CYP4X1: variants seen among roughly 807,000 people sequenced by gnomAD.
CYP4X1 encodes the protein cytochrome P450 4X1.
In CYP4X1, 44 loss-of-function variants were observed where a neutral mutation model predicts 57.9. The ratio of observed to expected loss-of-function variants is 0.76; its 90% confidence interval spans 0.60 to 0.98. The LOEUF (loss-of-function observed/expected upper bound fraction) is 0.98. Among genes scored for constraint, CYP4X1 ranks in the 50% least tolerant of loss-of-function variants. CYP4X1 has a pLI of 0.00. For synonymous variants in CYP4X1, 227 were observed against 228.6 expected, an observed-to-expected ratio of 0.99 and a Z score of 0.06; for missense variants, 532 against 623.9, an observed-to-expected ratio of 0.85 and a Z score of 1.57.
the CYP4X1 span, among the ~76,000 whole-genome samples, chr1:46,972,214 G>A: frequency 5.2e-3 from 791 of 152,240 alleles, 12 homozygotes; most frequent in East Asian, 0.054. Flanking sequence ...CCCATTGCTT[G>A]TTTTGGTTGG....
At chr1:47,032,696 G>A (rs148684791) in intron 3 of CYP4X1, among the ~76,000 whole-genome samples, 3 of 152,250 alleles carry the variant, frequency 2.0e-5, no homozygotes, top group African/African-American at 7.2e-5. Flanking sequence ...GGAAATATCA[G>A]GGGACAGAGT....
chr1:47,027,783 CT>C (rs1644085654), intron 1 of CYP4X1, among the ~76,000 whole-genome samples: 1 of 152,126 alleles, frequency 6.6e-6, no homozygotes, highest in Non-Finnish European at 1.5e-5. Context: ...CAAATTATTC[CT>C]AAAAGAGGCT....
intron 8 of CYP4X1, 58 bp downstream of exon 8, chr1:47,039,590 T>G: frequency 6.9e-7 from 1 of 1,457,710 alleles, no homozygotes; most frequent in Non-Finnish European, 9.2e-7. Flanking sequence ...TTTGCTTTAT[T>G]TTTTGCGCTG....
the CYP4X1 span, among the ~76,000 whole-genome samples, chr1:46,993,896 T>C: frequency 2.0e-5 from 3 of 152,226 alleles, no homozygotes; most frequent in African/African-American, 4.8e-5. Context: ...TTCACTCTGA[T>C]GGTAGTTTCT....
the CYP4X1 span, among the ~76,000 whole-genome samples, chr1:46,997,063 G>C: frequency 6.6e-6 from 1 of 152,190 alleles, no homozygotes; most frequent in Admixed American, 6.5e-5. Flanking sequence ...TCTGGGGTTT[G>C]ATAAAGTTGA....
the CYP4X1 span, among the ~76,000 whole-genome samples, chr1:46,998,542 CTG>C: frequency 6.6e-6 from 1 of 152,082 alleles, no homozygotes; most frequent in African/African-American, 2.4e-5. Context: ...TCTGTTTACT[CTG>C]TTGATTTTTT....
the CYP4X1 span, among the ~76,000 whole-genome samples, chr1:46,998,050 T>C: frequency 2.0e-5 from 3 of 152,334 alleles, no homozygotes; most frequent in African/African-American, 7.2e-5. Context: ...TTTTTATTTT[T>C]GAAAGGAGGT....
chr1:46,970,306 T>C, the CYP4X1 span, among the ~76,000 whole-genome samples: 3 of 152,204 alleles, frequency 2.0e-5, no homozygotes, highest in African/African-American at 7.2e-5. Flanking sequence ...TGGCTGGCCA[T>C]TGGGAAACAG....
the CYP4X1 span, among the ~76,000 whole-genome samples, chr1:47,006,846 T>A: frequency 1.3e-5 from 2 of 152,080 alleles, no homozygotes; most frequent in East Asian, 3.9e-4. Context: ...AGCACAGCAG[T>A]CAGATCAAAC....
intron 1 of CYP4X1, among the ~76,000 whole-genome samples, chr1:47,025,849 G>A (rs1644057473): frequency 6.6e-6 from 1 of 152,080 alleles, no homozygotes; most frequent in South Asian, 2.1e-4. Flanking sequence ...TTTAAGCTTG[G>A]TATGCAGATA....
chr1:46,984,125 G>C, the CYP4X1 span, among the ~76,000 whole-genome samples: 11 of 151,906 alleles, frequency 7.2e-5, no homozygotes, highest in Non-Finnish European at 1.2e-4. Flanking sequence ...TGGTGGGGGA[G>C]GGCGGGGAGG....
chr1:47,004,065 T>C, the CYP4X1 span, among the ~76,000 whole-genome samples: 237 of 152,354 alleles, frequency 1.6e-3, 1 homozygote, highest in South Asian at 0.02. Context: ...TCCATTTACA[T>C]AGGGTGTACA....
chr1:47,029,886 T>C (rs1644107522), intron 1 of CYP4X1, 104 bp from the exon 2 acceptor site: 1 of 1,294,654 alleles, frequency 7.7e-7, no homozygotes, highest in African/African-American at 1.5e-5. Context: ...AGTCTCAGGC[T>C]CCTCTGCTTG....
the CYP4X1 span, among the ~76,000 whole-genome samples, chr1:47,002,294 G>T: frequency 6.6e-6 from 1 of 152,182 alleles, no homozygotes; most frequent in Non-Finnish European, 1.5e-5. Flanking sequence ...TTTTATATTT[G>T]AATGAAGTTG....
intron 1 of CYP4X1, among the ~76,000 whole-genome samples, chr1:47,029,745 A>G (rs1225049898): frequency 5.3e-5 from 8 of 152,224 alleles, no homozygotes; most frequent in African/African-American, 2.4e-5. Flanking sequence ...AGTAAATGTC[A>G]TTCAACAGTG....
chr1:47,029,601 T>C (rs1224713841), intron 1 of CYP4X1, among the ~76,000 whole-genome samples: 2 of 152,170 alleles, frequency 1.3e-5, no homozygotes, highest in Non-Finnish European at 2.9e-5. Context: ...ATGCCCCATT[T>C]AGTAACTGTT....
At chr1:46,993,153 A>C in the CYP4X1 span, among the ~76,000 whole-genome samples, 6 of 137,190 alleles carry the variant, frequency 4.4e-5, no homozygotes, top group South Asian at 1.4e-3. Flanking sequence ...TCATTGTTCA[A>C]TTCCCACCTA....
chr1:47,050,326 G>T lies in CYP4X1; in HGVS notation c.*152G>T. On this transcript the variant is annotated 3_prime_UTR_variant, in exon 12 of 12. Coordinates refer to ENST00000371901, the MANE Select transcript of CYP4X1 (RefSeq NM_178033.2). ...GTGAAGAGATCCAAAATCATTTCTA[G>T]GTACACAGTGTGTCAGCTAGATCTG... is the stretch of plus-strand genomic sequence containing the variant. 2 of 732,872 alleles carry T rather than the reference G, an allele frequency of 2.7e-6. No individual in the cohort carries two copies. The highest frequency in any genetic ancestry group is 2.2e-6 in the Non-Finnish European group (1 of 453,896). The allele number at this position is 732,872 out of a possible 1,614,324, so 45.4% of individuals were successfully genotyped here.
At chr1:47,032,053 C>T (rs1260904092) in intron 3 of CYP4X1, among the ~76,000 whole-genome samples, 3 of 148,608 alleles carry the variant, frequency 2.0e-5, no homozygotes, top group African/African-American at 7.5e-5. Flanking sequence ...CAGCCCCCAA[C>T]AACAAAAAAA....
Sources: gnomAD v4.1 joint callset for allele counts (sites outside exome capture counted in the v4.1 genomes callset) on GRCh38, gnomAD v4.1.1 for gene constraint, MANE v1.5 for transcripts, NCBI Gene and HGNC (gene_info 2026-07-23, HGNC 2026-07-21) for gene names.